GABRB1: variants seen among roughly 807,000 people sequenced by gnomAD.
GABRB1 encodes gamma-aminobutyric acid receptor subunit beta-1.
In GABRB1, 17 loss-of-function variants were observed where a neutral mutation model predicts 51.6. The observed-to-expected ratio is 0.33, with a 90% CI of 0.23 to 0.49. GABRB1 has a LOEUF of 0.49. Among genes scored for constraint, GABRB1 ranks in the 20% least tolerant of loss-of-function variants. GABRB1 has a pLI of 0.99. For missense variants in GABRB1, 410 were observed against 600.6 expected (o/e 0.68, Z 3.32); for synonymous variants, 247 against 218.9 (o/e 1.13, Z -1.14).
At chr4:47,259,046 A>T (rs1280581015) in intron 4 of GABRB1, among the ~76,000 whole-genome samples, 1 of 152,160 alleles carries the variant, frequency 6.6e-6, no homozygotes, top group Non-Finnish European at 1.5e-5. Context: ...AGTAAACTGC[A>T]GCCTTGAATG....
At chr4:47,231,771 G>A (rs1249393811) in intron 4 of GABRB1, among the ~76,000 whole-genome samples, 1 of 152,100 alleles carries the variant, frequency 6.6e-6, no homozygotes, top group African/African-American at 2.4e-5. Flanking sequence ...CCTATTGTTA[G>A]AATTTATTTC....
At chr4:47,396,309 G>A (rs1338243091) in intron 5 of GABRB1, among the ~76,000 whole-genome samples, 1 of 152,066 alleles carries the variant, frequency 6.6e-6, no homozygotes, top group Non-Finnish European at 1.5e-5. Flanking sequence ...CAGTATGGGG[G>A]AAACTACCCC....
At chr4:47,100,938 G>A (rs1231410926) in intron 3 of GABRB1, among the ~76,000 whole-genome samples, 1 of 151,942 alleles carries the variant, frequency 6.6e-6, no homozygotes, top group Non-Finnish European at 1.5e-5. Flanking sequence ...ACATGTCAAG[G>A]AGATAGGCAA....
chr4:47,241,840 T>C (rs1327579621), intron 4 of GABRB1, among the ~76,000 whole-genome samples: 2 of 152,188 alleles, frequency 1.3e-5, no homozygotes, highest in Non-Finnish European at 2.9e-5. Flanking sequence ...AGAAATTTCA[T>C]AGGCAAATTC....
At chr4:47,131,018 C>T (rs1289656619) in intron 3 of GABRB1, among the ~76,000 whole-genome samples, 1 of 152,118 alleles carries the variant, frequency 6.6e-6, no homozygotes, top group Non-Finnish European at 1.5e-5. Context: ...TTTGCAAAAC[C>T]ATCTCTAAAT....
At chr4:47,081,662 GTTTT>G (rs1727848871) in intron 3 of GABRB1, among the ~76,000 whole-genome samples, 2 of 152,016 alleles carry the variant, frequency 1.3e-5, no homozygotes, top group Non-Finnish European at 1.5e-5. Flanking sequence ...AGTTTAATAT[GTTTT>G]TATGTTTTAG....
chr4:47,057,107 AAAAC>A (rs563377107), intron 3 of GABRB1, among the ~76,000 whole-genome samples: 5 of 152,086 alleles, frequency 3.3e-5, no homozygotes, highest in African/African-American at 4.8e-5. Flanking sequence ...TCTGTCTCAA[AAAAC>A]AAACAAACAA....
At position 47,019,608 on chromosome 4, in the gene GABRB1, T is replaced by C. The variant is rs958225350; in HGVS notation, c.-19-12306T>C. On this transcript the variant is annotated intron_variant, in intron 1 of 3. Transcript: ENST00000513567. ...TTCCTCCCTCCCTCCCTTCCTCCCT[T>C]CTTTCTTTCTTTCTCTCTCTTTCTT... Among the ~76,000 whole-genome samples, 16 of 98,472 alleles carry C rather than the reference T, an allele frequency of 1.6e-4. 2 individuals are homozygous for C. The highest frequency in any genetic ancestry group is 5.6e-4 in the African/African-American group (14 of 25,180). The allele number at this position is 98,472 out of a possible 152,430, so 64.6% of individuals were successfully genotyped here. A position where few individuals can be genotyped will look rare whatever the true frequency, so the allele number is the denominator to read the frequency against.
intron 3 of GABRB1, among the ~76,000 whole-genome samples, chr4:47,090,015 A>T (rs1340633365): frequency 6.6e-6 from 1 of 152,212 alleles, no homozygotes; most frequent in Non-Finnish European, 1.5e-5. Flanking sequence ...ACGTAATTTT[A>T]GTTCTATCAC....
chr4:47,050,048 T>C (rs1385385890), intron 3 of GABRB1, among the ~76,000 whole-genome samples: 2 of 152,226 alleles, frequency 1.3e-5, no homozygotes, highest in Non-Finnish European at 2.9e-5. Flanking sequence ...TTTGGGAGTT[T>C]AGCAAGCAAA....
At chr4:47,015,907 AT>A (rs1283167942) in intron 1 of GABRB1, among the ~76,000 whole-genome samples, 1 of 152,184 alleles carries the variant, frequency 6.6e-6, no homozygotes, top group Admixed American at 6.5e-5. Flanking sequence ...GTAGAAAAAA[AT>A]ATATTCAGCT....
chr4:47,276,566 T>G (rs1006001544), intron 4 of GABRB1, among the ~76,000 whole-genome samples: 1 of 152,096 alleles, frequency 6.6e-6, no homozygotes, highest in African/African-American at 2.4e-5. Context: ...TTCACTTTAT[T>G]TTATCCTCAC....
chr4:47,015,488 C>CT (rs1724716619), intron 1 of GABRB1, among the ~76,000 whole-genome samples: 2 of 151,928 alleles, frequency 1.3e-5, no homozygotes, highest in African/African-American at 4.8e-5. Flanking sequence ...ACTCCTTTTC[C>CT]TTTTTTTCAA....
intron 4 of GABRB1, among the ~76,000 whole-genome samples, chr4:47,231,762 C>T (rs945370727): frequency 6.6e-6 from 1 of 152,098 alleles, no homozygotes; most frequent in African/African-American, 2.4e-5. Flanking sequence ...CTGTGAAAGC[C>T]TATTGTTAGA....
chr4:47,300,377 C>T (rs1578076723), intron 4 of GABRB1, among the ~76,000 whole-genome samples: 1 of 152,176 alleles, frequency 6.6e-6, no homozygotes, highest in South Asian at 2.1e-4. Context: ...TAAAAATTAT[C>T]TTCAAGCTGA....
intron 4 of GABRB1, among the ~76,000 whole-genome samples, chr4:47,295,933 AAG>A (rs1392345330): frequency 5.3e-5 from 8 of 152,316 alleles, no homozygotes; most frequent in African/African-American, 1.9e-4. Context: ...TACAAGCCAG[AAG>A]AGAGTGGGGG....
intron 3 of GABRB1, among the ~76,000 whole-genome samples, chr4:47,094,922 T>G (rs964683041): frequency 4.6e-5 from 7 of 152,128 alleles, no homozygotes; most frequent in African/African-American, 1.7e-4. Context: ...CCTGTTGAAC[T>G]GGTAAAGTAT....
At chr4:47,246,841 T>C (rs1283593607) in intron 4 of GABRB1, among the ~76,000 whole-genome samples, 2 of 152,128 alleles carry the variant, frequency 1.3e-5, no homozygotes, top group African/African-American at 4.8e-5. Flanking sequence ...GGGAATTGTC[T>C]ATTCATGTCC....
intron 3 of GABRB1, among the ~76,000 whole-genome samples, chr4:47,114,197 GC>G (rs869298009): frequency 1.6e-5 from 2 of 127,454 alleles, no homozygotes; most frequent in African/African-American, 6.1e-5. Flanking sequence ...TCATTCCAAG[GC>G]GTATGAAGAG....
Sources: allele counts gnomAD v4.1 joint callset (sites outside exome capture counted in the v4.1 genomes callset), GRCh38; gene constraint gnomAD v4.1.1; transcripts MANE v1.5; gene names NCBI Gene and HGNC (gene_info 2026-07-23, HGNC 2026-07-21).